Variants in ZNF519 observed in about 807,000 individuals in gnomAD.
ZNF519 encodes zinc finger protein 519.
ZNF519 carries 7 observed loss-of-function variants against 7.4 expected under a neutral mutation model. The ratio of observed to expected loss-of-function variants is 0.94; its 90% CI spans 0.54 to 1.77. The LOEUF (loss-of-function observed/expected upper bound fraction) is 1.77. ZNF519 is among the 40% of genes most tolerant of loss of function. The pLI, the probability that ZNF519 is intolerant of heterozygous loss-of-function variation, is 0.00. For missense variants in ZNF519, 586 were observed against 623.1 expected (o/e 0.94, Z 0.63); for synonymous variants, 179 against 203.3 (o/e 0.88, Z 1.02).
chr18:14,098,480 T>C (rs1219535144), downstream of ZNF519, among the ~76,000 whole-genome samples: 2 of 152,090 alleles, frequency 1.3e-5, no homozygotes, highest in South Asian at 2.1e-4. Context: ...TTCCATTTTT[T>C]AGTATTCCCA....
At chr18:14,111,515 G>GAAAAAAAAAAAAAAAAAAA (rs371322134) in intron 2 of ZNF519, among the ~76,000 whole-genome samples, 2 of 72,626 alleles carry the variant, frequency 2.8e-5, no homozygotes, top group Admixed American at 1.7e-4. Flanking sequence ...TCAAAAAAAA[G>GAAAAAAAAAAAAAAAAAAA]AAAAAAAAAA....
intron 3 of ZNF519, among the ~76,000 whole-genome samples, chr18:14,083,434 T>C (rs1598507513): frequency 6.6e-6 from 1 of 152,166 alleles, no homozygotes; most frequent in Non-Finnish European, 1.5e-5. Flanking sequence ...ATGAACAAGG[T>C]TTCCACGGGA....
In ZNF519 at chr18:14,103,727, T is replaced by TA. The variant is rs1212237303; in HGVS notation, c.*1189dup. On this transcript the variant is annotated 3_prime_UTR_variant, in exon 3 of 3. Transcript: ENST00000590202. ...ATTTGGAGTTTAATACCACTAAGGGTAAAAAAATGCTAAAGACAGCATGAA... is the reference window on the plus strand; with the variant it reads ...ATTTGGAGTTTAATACCACTAAGGGTAAAAAAAATGCTAAAGACAGCATGAA... The TA allele has an allele frequency of 6.6e-6, 1 of 151,884 alleles. No individual in the cohort carries two copies. The highest frequency in any genetic ancestry group is 1.5e-5 in the Non-Finnish European group (1 of 67,906). 9.4% of individuals were successfully genotyped at this position (151,884 alleles called of 1,614,324 possible).
chr18:14,121,060 G>A (rs1598521618), intron 2 of ZNF519, among the ~76,000 whole-genome samples: 1 of 152,118 alleles, frequency 6.6e-6, no homozygotes, highest in African/African-American at 2.4e-5. Context: ...AGGACATTAT[G>A]CTAAATGAAA....
intron 2 of ZNF519, among the ~76,000 whole-genome samples, chr18:14,106,821 G>A (rs866094374): frequency 6.6e-6 from 1 of 152,056 alleles, no homozygotes; most frequent in Admixed American, 6.6e-5. Context: ...GGGATTGTGA[G>A]CACTGAACTC....
intron 1 of ZNF519, among the ~76,000 whole-genome samples, chr18:14,129,853 G>T (rs2046321093): frequency 6.6e-6 from 1 of 152,064 alleles, no homozygotes; most frequent in Non-Finnish European, 1.5e-5. Flanking sequence ...TAATTTGATA[G>T]AACTATTCAC....
intron 2 of ZNF519, among the ~76,000 whole-genome samples, chr18:14,093,175 G>C (rs1222634952): frequency 6.6e-6 from 1 of 152,088 alleles, no homozygotes; most frequent in African/African-American, 2.4e-5. Flanking sequence ...TGTGCGAAAG[G>C]GCAGAGTCCA....
In ZNF519 at chr18:14,106,004, T is replaced by C; in HGVS notation, c.536A>G (p.Asn179Ser). 6.3e-7 allele frequency: 1 copy of C among 1,578,608 alleles called. No homozygotes were observed. Among genetic ancestry groups the C allele is most frequent in the South Asian group, 1.1e-5 (1 of 87,030 alleles). ...SKHHSTHFLE[N>S]YYNCNECEKV... ...TTCACATTCATTACAATTGTAATAG[T>C]TTTCTAGAAAATGAGTACTATGATG... Residue 179 changes from asparagine (N) to serine (S), a missense_variant, in exon 3 of 3, where the codon AAC becomes AGC. Coordinates refer to ENST00000590202, the MANE Select transcript of ZNF519 (RefSeq NM_145287.4).
intron 1 of ZNF519, among the ~76,000 whole-genome samples, chr18:14,131,263 T>G (rs2046328549): frequency 6.6e-6 from 1 of 152,222 alleles, no homozygotes; most frequent in African/African-American, 2.4e-5. Flanking sequence ...TCATGTGAAA[T>G]ATTTGTAAGT....
At chr18:14,129,680 T>A (rs1214353316) in intron 1 of ZNF519, among the ~76,000 whole-genome samples, 2 of 152,098 alleles carry the variant, frequency 1.3e-5, no homozygotes, top group Non-Finnish European at 2.9e-5. Flanking sequence ...AACACCTCAA[T>A]TCCAACACCG....
At chr18:14,096,247 T>C (rs2046136234), downstream of ZNF519, among the ~76,000 whole-genome samples, 1 of 152,208 alleles carries the variant, frequency 6.6e-6, no homozygotes, top group Admixed American at 6.5e-5. Flanking sequence ...GGGAGATGGG[T>C]GACACAGGCA....
intron 2 of ZNF519, among the ~76,000 whole-genome samples, chr18:14,119,534 T>C (rs954470941): frequency 1.3e-5 from 2 of 152,236 alleles, no homozygotes; most frequent in African/African-American, 2.4e-5. Context: ...TGATCATACA[T>C]ATGTATATAA....
intron 1 of ZNF519, among the ~76,000 whole-genome samples, chr18:14,131,834 GC>G (rs1186158277): frequency 2.0e-5 from 3 of 152,064 alleles, no homozygotes; most frequent in African/African-American, 7.3e-5. Context: ...CCTTCTAGTA[GC>G]CCCCCAACCA....
In ZNF519 at chr18:14,106,057, A is replaced by C. The variant is rs780493526; in HGVS notation, c.483T>G (p.Asn161Lys). The change falls in exon 3 of 3, where the codon AAT becomes AAG. Residue 161 changes from asparagine (N) to lysine (K), a missense_variant. By Grantham distance (94) the Asn-to-Lys change is moderately conservative. Transcript: ENST00000590202. ...KSVFCNKNQI[N>K]FNHDSNISKH... Reference sequence around the variant, plus strand: ...TACTAATATTTGAGTCATGGTTAAAATTTATCTGATTTTTATTACAAAAGA... The same window carrying C: ...TACTAATATTTGAGTCATGGTTAAACTTTATCTGATTTTTATTACAAAAGA... 5.0e-6 allele frequency: 8 copies of C among 1,593,708 alleles called. No individual in the cohort carries two copies. The highest frequency in any genetic ancestry group is 6.0e-6 in the Non-Finnish European group (7 of 1,171,256).
intron 4 of ZNF519, chr18:14,077,585 C>T (rs536718008): frequency 3.0e-4 from 45 of 152,302 alleles, no homozygotes; most frequent in African/African-American, 9.9e-4. Context: ...AAACCATTTT[C>T]CCAGTTACTG....
At chr18:14,130,381 C>T (rs1263990540) in intron 1 of ZNF519, among the ~76,000 whole-genome samples, 3 of 152,146 alleles carry the variant, frequency 2.0e-5, no homozygotes, top group Admixed American at 2.0e-4. Flanking sequence ...TCCTTCTAAT[C>T]TTATTTGCTC....
downstream of ZNF519, chr18:14,074,311 C>G (rs935064204): frequency 2.6e-5 from 4 of 152,166 alleles, no homozygotes; most frequent in Non-Finnish European, 5.9e-5. Flanking sequence ...GGTAGGAGGT[C>G]TAGCAGGGGG....
At chr18:14,071,248 CG>C (rs1218985202), downstream of ZNF519, 1 of 151,790 alleles carries the variant, frequency 6.6e-6, no homozygotes, top group Non-Finnish European at 1.5e-5. Flanking sequence ...GTTAAATATT[CG>C]GGGGGAAAAT....
At chr18:14,094,439 TTAAGG>T (rs1303256663) in intron 2 of ZNF519, among the ~76,000 whole-genome samples, 2 of 152,222 alleles carry the variant, frequency 1.3e-5, no homozygotes, top group Non-Finnish European at 2.9e-5. Flanking sequence ...CTTTATTATG[TTAAGG>T]TGTTTTTCTT....
Sources: gnomAD v4.1 joint callset for allele counts (sites outside exome capture counted in the v4.1 genomes callset) on GRCh38, gnomAD v4.1.1 for gene constraint, MANE v1.5 for transcripts, NCBI Gene and HGNC (gene_info 2026-07-23, HGNC 2026-07-21) for gene names.